Variants in MYCBP2 observed in about 807,000 individuals in gnomAD.
The protein encoded by MYCBP2 is E3 ubiquitin-protein ligase MYCBP2.
MYCBP2 carries 120 observed loss-of-function variants against 525.3 expected under a neutral mutation model. That is an observed-to-expected ratio of 0.23 (90% CI 0.20 to 0.27). MYCBP2 has a LOEUF of 0.27. Among genes scored for constraint, MYCBP2 ranks in the 10% least tolerant of loss-of-function variants. The pLI, the probability that MYCBP2 is intolerant of heterozygous loss-of-function variation, is 1.00. For missense variants in MYCBP2, 4,149 were observed against 5,657.1 expected (o/e 0.73, Z 8.55); for synonymous variants, 1,894 against 1,955.8 (o/e 0.97, Z 0.83).
intron 21 of MYCBP2, among the ~76,000 whole-genome samples, chr13:77,215,423 A>G (rs2064683281): frequency 6.6e-6 from 1 of 152,206 alleles, no homozygotes; most frequent in African/African-American, 2.4e-5. Flanking sequence ...CAAAGCAAAT[A>G]TAAAACTATT....
At chr13:77,296,868 G>A (rs1301895870) in intron 1 of MYCBP2, among the ~76,000 whole-genome samples, 194 bp from the exon 2 acceptor site, 2 of 152,026 alleles carry the variant, frequency 1.3e-5, no homozygotes, top group Admixed American at 1.3e-4. Context: ...ATAACATGGG[G>A]CAGCTAAGCA....
At chr13:77,133,613 T>C (rs1594804558) in intron 52 of MYCBP2, among the ~76,000 whole-genome samples, 1 of 152,182 alleles carries the variant, frequency 6.6e-6, no homozygotes, top group South Asian at 2.1e-4. Context: ...CCTTCTCTAC[T>C]TCTACAGATT....
At chr13:77,258,840 T>C (rs1297032146) in intron 13 of MYCBP2, among the ~76,000 whole-genome samples, 1 of 152,148 alleles carries the variant, frequency 6.6e-6, no homozygotes, top group Non-Finnish European at 1.5e-5. Flanking sequence ...AACAACTATA[T>C]GAAGCAGGTG....
intron 1 of MYCBP2, among the ~76,000 whole-genome samples, chr13:77,320,189 G>C (rs1430390974): frequency 1.3e-5 from 2 of 152,182 alleles, no homozygotes; most frequent in Non-Finnish European, 2.9e-5. Context: ...CATGACTCTG[G>C]GGGAGGCAAC....
rs2061331668 is a variant in MYCBP2, at chr13:77,191,873, A to G, written c.3936-60T>C. 2.4e-5 allele frequency: 36 copies of G among 1,529,344 alleles called. No homozygotes were observed. The South Asian group carries it at 4.3e-4, about 18-fold the overall frequency. The allele number at this position is 1,529,344 out of a possible 1,614,324, so 94.7% of individuals were successfully genotyped here. On this transcript the variant is annotated intron_variant, in intron 27 of 82. Coordinates refer to ENST00000544440, the MANE Select transcript of MYCBP2 (RefSeq NM_015057.5). ...TCTTACTTCTCTGTCACATATATTT[A>G]TTTTTTCAAAATCCCTTGTGAACAA...
At chr13:77,057,132 T>A (rs975485427) in intron 78 of MYCBP2, 39 bp from the exon 79 acceptor site, 1 of 1,411,410 alleles carries the variant, frequency 7.1e-7, no homozygotes, top group African/African-American at 1.4e-5. Flanking sequence ...GCAAATATAA[T>A]AATGATAAAC....
rs1048061597 is a variant in MYCBP2, at chr13:77,082,983, A to G, written c.11036+49T>C. ...GAGCATTTCATACTTTGAATATTCCATAAACTCTCTTGTCCAATGTACCTA... is the reference window on the plus strand; with the variant it reads ...GAGCATTTCATACTTTGAATATTCCGTAAACTCTCTTGTCCAATGTACCTA... On this transcript the variant is annotated intron_variant, in intron 63 of 82. Coordinates refer to ENST00000544440, the MANE Select transcript of MYCBP2 (RefSeq NM_015057.5). The G allele has an allele frequency of 2.6e-6, 4 of 1,534,044 alleles. No homozygotes were observed. The South Asian group carries it at 3.7e-5, about 14-fold the overall frequency.
At chr13:77,277,734 T>C (rs938028549) in intron 4 of MYCBP2, among the ~76,000 whole-genome samples, 13 of 152,094 alleles carry the variant, frequency 8.5e-5, no homozygotes, top group Non-Finnish European at 1.5e-4. Context: ...AGAAACACCA[T>C]AGGGAAGTCC....
At chr13:77,086,594 C>T (rs2044324634) in intron 62 of MYCBP2, among the ~76,000 whole-genome samples, 1 of 152,090 alleles carries the variant, frequency 6.6e-6, no homozygotes, top group South Asian at 2.1e-4. Flanking sequence ...CATCATTTTG[C>T]CCTTCATTGC....
rs551327497 is a variant in MYCBP2, at chr13:77,073,305, CAG to C, written c.11824-2596_11824-2595del. Among the ~76,000 whole-genome samples, 9 of 152,176 alleles carry C rather than the reference CAG, an allele frequency of 5.9e-5. No individual in the cohort carries two copies. In the South Asian group the frequency reaches 1.9e-3, roughly 32 times the overall value. ...TACCACTGTGCTCTTGTCTGGGTGA[CAG>C]AGTTAAGACCAGGTCTCTTAAAAAA... On this transcript the variant is annotated intron_variant, in intron 68 of 82. Coordinates refer to ENST00000544440, the MANE Select transcript of MYCBP2 (RefSeq NM_015057.5).
chr13:77,088,283 T>C (rs1306622893), intron 61 of MYCBP2, among the ~76,000 whole-genome samples: 4 of 152,174 alleles, frequency 2.6e-5, no homozygotes, highest in South Asian at 4.1e-4. Context: ...TGCATCTGGA[T>C]GAACACAAAG....
At chr13:77,242,587 T>C (rs1314349369) in intron 17 of MYCBP2, among the ~76,000 whole-genome samples, 1 of 152,194 alleles carries the variant, frequency 6.6e-6, no homozygotes, top group Non-Finnish European at 1.5e-5. Flanking sequence ...AGTTATGTGC[T>C]GAACTGGAGG....
At chr13:77,221,034 TATAGTC>T (rs2065474481) in intron 20 of MYCBP2, among the ~76,000 whole-genome samples, 2 of 152,182 alleles carry the variant, frequency 1.3e-5, no homozygotes, top group Admixed American at 1.3e-4. Flanking sequence ...CTTAAGAAAT[TATAGTC>T]ATATGGTTGG....
chr13:77,245,844 A>T (rs1411067962), intron 15 of MYCBP2, among the ~76,000 whole-genome samples: 1 of 119,094 alleles, frequency 8.4e-6, no homozygotes, highest in Non-Finnish European at 2.0e-5. Flanking sequence ...ATGTATATAT[A>T]TATGTATACA....
intron 49 of MYCBP2, among the ~76,000 whole-genome samples, chr13:77,141,932 A>G (rs2054715508): frequency 6.6e-6 from 1 of 152,150 alleles, no homozygotes; most frequent in African/African-American, 2.4e-5. Flanking sequence ...GAGAAAACTT[A>G]GGAAGAAGAG....
At chr13:77,220,134 T>C (rs2065343956) in intron 20 of MYCBP2, among the ~76,000 whole-genome samples, 1 of 152,070 alleles carries the variant, frequency 6.6e-6, no homozygotes, top group Non-Finnish European at 1.5e-5. Flanking sequence ...TGCGGTTTTA[T>C]CATGTCCTAG....
rs575928048 is a variant in MYCBP2 at position 77,063,998 on chromosome 13, C to T, written c.12672+617G>A. ...TTTACCAGCATTCACTTCTTCCTAACGTTGTCAGACTGCCCTCCTTCAAGG... is the reference window on the plus strand; with the variant it reads ...TTTACCAGCATTCACTTCTTCCTAATGTTGTCAGACTGCCCTCCTTCAAGG... On this transcript the variant is annotated intron_variant, in intron 73 of 82. Transcript: ENST00000544440. 5.9e-5 allele frequency among the ~76,000 whole-genome samples: 9 copies of T among 152,294 alleles called. No homozygotes were observed. The East Asian group carries it at 7.7e-4, about 13-fold the overall frequency.
intron 14 of MYCBP2, among the ~76,000 whole-genome samples, chr13:77,256,293 C>G (rs1424753527): frequency 6.6e-6 from 1 of 151,948 alleles, no homozygotes; most frequent in African/African-American, 2.4e-5. Flanking sequence ...TGTCGTGTAA[C>G]AGCAGCTAAT....
At chr13:77,115,247 G>T (rs2049521471) in intron 55 of MYCBP2, among the ~76,000 whole-genome samples, 1 of 151,830 alleles carries the variant, frequency 6.6e-6, no homozygotes. Flanking sequence ...TGGTGATAAT[G>T]AAAATAAGGA....
Sources: gnomAD v4.1 joint callset for allele counts (sites outside exome capture counted in the v4.1 genomes callset) on GRCh38, gnomAD v4.1.1 for gene constraint, MANE v1.5 for transcripts, NCBI Gene and HGNC (gene_info 2026-07-23, HGNC 2026-07-21) for gene names.